Variants in RANBP2 observed in about 807,000 individuals in gnomAD.
The protein encoded by RANBP2 is E3 SUMO-protein ligase RanBP2.
Under a neutral mutation model 303.6 loss-of-function variants are expected in RANBP2, and 57 were observed. The ratio of observed to expected loss-of-function variants is 0.19; its 90% CI spans 0.15 to 0.23. RANBP2 has a LOEUF of 0.23. RANBP2 is among the 10% of genes least tolerant of loss of function. The probability of loss-of-function intolerance (pLI) is 1.00; values close to 1 mark genes in which losing one functional copy is unlikely to be tolerated. For synonymous variants in RANBP2, 1,167 were observed against 1,301.5 expected, an observed-to-expected ratio of 0.90 and a Z score of 2.23; for missense variants, 3,138 against 3,780.8, an observed-to-expected ratio of 0.83 and a Z score of 4.46.
chr2:109,708,889 A>C, the RANBP2 span, among the ~76,000 whole-genome samples: 39 of 151,864 alleles, frequency 2.6e-4, no homozygotes, highest in Non-Finnish European at 1.5e-4. Flanking sequence ...GGCAGGGAGA[A>C]TCGCTTGAAC....
chr2:108,993,465 G>C, the RANBP2 span, among the ~76,000 whole-genome samples: 1 of 152,192 alleles, frequency 6.6e-6, no homozygotes, highest in African/African-American at 2.4e-5. Flanking sequence ...ACTTGTTTTA[G>C]AAGTAAAATG....
chr2:109,106,586 C>T, the RANBP2 span, among the ~76,000 whole-genome samples: 2 of 152,092 alleles, frequency 1.3e-5, no homozygotes, highest in African/African-American at 4.8e-5. Flanking sequence ...CCTGTAATCT[C>T]AGCACTTTGG....
the RANBP2 span, among the ~76,000 whole-genome samples, chr2:109,658,915 A>C: frequency 6.6e-6 from 1 of 152,058 alleles, no homozygotes; most frequent in Non-Finnish European, 1.5e-5. Context: ...AAATACAAAA[A>C]CTAGCTGGGT....
chr2:109,415,679 G>A, the RANBP2 span, among the ~76,000 whole-genome samples: 1 of 152,086 alleles, frequency 6.6e-6, no homozygotes, highest in African/African-American at 2.4e-5. Flanking sequence ...CTCTCAGGAG[G>A]CCCCACGCAG....
the RANBP2 span, among the ~76,000 whole-genome samples, chr2:109,384,509 G>A: frequency 2.2e-3 from 337 of 152,064 alleles, 3 homozygotes; most frequent in African/African-American, 7.8e-3. Flanking sequence ...GAGGGGTTGG[G>A]GTCAGAGGGG....
chr2:109,153,577 G>A, the RANBP2 span, among the ~76,000 whole-genome samples: 5 of 152,328 alleles, frequency 3.3e-5, no homozygotes, highest in East Asian at 9.6e-4. Context: ...CCCAGGAGGT[G>A]GGCCCGACAG....
the RANBP2 span, among the ~76,000 whole-genome samples, chr2:109,706,198 G>A: frequency 3.9e-5 from 6 of 152,308 alleles, no homozygotes; most frequent in East Asian, 1.2e-3. Context: ...AGCAGACCAG[G>A]AGCTCCTTGT....
the RANBP2 span, among the ~76,000 whole-genome samples, chr2:109,361,034 A>T: frequency 2.6e-5 from 4 of 152,156 alleles, no homozygotes; most frequent in African/African-American, 9.7e-5. Context: ...TTTATCATGA[A>T]TGGGTATTGG....
At chr2:109,580,113 TTCCA>T in the RANBP2 span, among the ~76,000 whole-genome samples, 1 of 151,792 alleles carries the variant, frequency 6.6e-6, no homozygotes, top group Admixed American at 6.6e-5. Flanking sequence ...AAGAGTGAAG[TTCCA>T]TCTTAAAAAA....
chr2:108,786,855 G>C (rs138848875), downstream of RANBP2: 362 of 1,592,812 alleles, frequency 2.3e-4, 1 homozygote, highest in African/African-American at 3.9e-3. Flanking sequence ...CACCGGGGCA[G>C]GATTTAGTAG....
chr2:109,520,957 C>T, the RANBP2 span, among the ~76,000 whole-genome samples: 4 of 150,714 alleles, frequency 2.7e-5, no homozygotes, highest in East Asian at 5.9e-4. Context: ...AGGCCGGGCG[C>T]GGTGGCTCAC....
At chr2:109,008,305 A>G in the RANBP2 span, among the ~76,000 whole-genome samples, 1 of 152,204 alleles carries the variant, frequency 6.6e-6, no homozygotes, top group African/African-American at 2.4e-5. Flanking sequence ...GTAGATGCAC[A>G]ATTCGTGTTT....
the RANBP2 span, among the ~76,000 whole-genome samples, chr2:109,336,459 C>A: frequency 1.2e-4 from 18 of 152,330 alleles, no homozygotes; most frequent in East Asian, 3.5e-3. Flanking sequence ...CCCTTGGGTA[C>A]AAAGAAATGT....
the RANBP2 span, among the ~76,000 whole-genome samples, chr2:109,423,433 CAAT>C: frequency 6.6e-6 from 1 of 152,164 alleles, no homozygotes; most frequent in African/African-American, 2.4e-5. Flanking sequence ...AAACCATCCT[CAAT>C]AACAACAGTC....
the RANBP2 span, among the ~76,000 whole-genome samples, chr2:108,939,436 A>C: frequency 5.9e-5 from 9 of 152,290 alleles, no homozygotes; most frequent in Admixed American, 2.0e-4. Flanking sequence ...TCTAGTGCAG[A>C]GTATGCGTAT....
chr2:108,854,962 A>G, the RANBP2 span, among the ~76,000 whole-genome samples: 5 of 152,348 alleles, frequency 3.3e-5, no homozygotes, highest in African/African-American at 9.6e-5. Flanking sequence ...ACCATATTTC[A>G]TACTGATTAA....
At chr2:109,166,459 G>GAAAA in the RANBP2 span, among the ~76,000 whole-genome samples, 629 of 134,238 alleles carry the variant, frequency 4.7e-3, 14 homozygotes, top group African/African-American at 5.0e-3. Flanking sequence ...CCTGGTGACA[G>GAAAA]AAAAAAAAAA....
chr2:109,552,954 T>C, the RANBP2 span: 3 of 979,036 alleles, frequency 3.1e-6, no homozygotes, highest in South Asian at 1.7e-5. Flanking sequence ...TCAAATACTA[T>C]GTGTTGGAAA....
At chr2:109,481,580 T>G in the RANBP2 span, among the ~76,000 whole-genome samples, 1 of 152,136 alleles carries the variant, frequency 6.6e-6, no homozygotes, top group Non-Finnish European at 1.5e-5. Flanking sequence ...TCTTCCCTCT[T>G]GAGCAAATAG....
Sources: allele counts gnomAD v4.1 joint callset (sites outside exome capture counted in the v4.1 genomes callset), GRCh38; gene constraint gnomAD v4.1.1; transcripts MANE v1.5; gene names NCBI Gene and HGNC (gene_info 2026-07-23, HGNC 2026-07-21).